Variants in ZNF408 observed in about 807,000 individuals in gnomAD.
ZNF408 encodes the protein PR domain zinc finger protein 17.
A neutral mutation model predicts 27.6 loss-of-function variants in ZNF408; 24 were observed. That is an observed-to-expected ratio of 0.87 (90% CI 0.63 to 1.22). ZNF408 has a LOEUF of 1.22. ZNF408 is among the 50% of genes most tolerant of loss of function. The pLI is 0.00. For synonymous variants in ZNF408, 410 were observed against 396.1 expected (o/e 1.04, Z -0.42); for missense variants, 897 against 949.0 (o/e 0.95, Z 0.72).
rs2134507109 is a variant in ZNF408 at position 46,702,711 on chromosome 11, C to T, written c.338C>T (p.Ser113Leu). 1 of 1,614,060 alleles carries T rather than the reference C, an allele frequency of 6.2e-7. No individual in the cohort carries two copies. Among genetic ancestry groups the T allele is most frequent in the East Asian group, 2.2e-5 (1 of 44,890 alleles). Residue 113 changes from serine to leucine, a missense_variant, in exon 3 of 5, where the codon TCA becomes TTA. By Grantham distance (145) the Ser-to-Leu change is moderately radical (BLOSUM62 -2). Transcript: ENST00000311764. ...TTTGTTGGTTTATTTCAGAACCTGT[C>T]ATTAGGCCCATGGGGAGACGTGTGT... ...GVKPRQEENL[S>L]LGPWGDVCAC... is the part of the protein sequence containing the mutation.
intron 4 of ZNF408, 76 bp from the exon 5 acceptor site, chr11:46,704,277 T>C (rs2064733091): frequency 2.7e-6 from 4 of 1,476,374 alleles, no homozygotes. Context: ...GGAGAAAACA[T>C]CTGATCCTGT....
chr11:46,705,330 A>G lies in ZNF408; in HGVS notation c.1630A>G (p.Ile544Val). The G allele has an allele frequency of 6.2e-7, 1 of 1,610,642 alleles. No homozygotes were observed. The highest frequency in any genetic ancestry group is 8.5e-7 in the Non-Finnish European group (1 of 1,179,430). ...PQLPELRRHL[I>V]SHTGEAHLCP... ...GCTGCCTGAACTGCGGCGCCATCTC[A>G]TCTCACACACCGGGGAGGCCCACTT... is the stretch of plus-strand genomic sequence containing the variant. The change falls in exon 5 of 5, where the codon ATC (isoleucine) becomes GTC (valine). Residue 544 changes from isoleucine to valine, a missense_variant. Transcript: ENST00000311764. This position sits in a 1 kb window ranked among gnomAD's most constrained non-coding sequence, Gnocchi z 6.5.
Position 46,704,781 on chromosome 11 carries a change from G to A in ZNF408, c.1081G>A (p.Ala361Thr). The A allele has an allele frequency of 6.3e-7, 1 of 1,597,270 alleles. No homozygotes were observed. Among genetic ancestry groups the A allele is most frequent in the Non-Finnish European group, 8.5e-7 (1 of 1,171,542 alleles). ...RRYRCGECGK[A>T]FLQLCHLKKH... is the part of the protein sequence containing the mutation. ...GTACCGGTGTGGAGAGTGTGGCAAG[G>A]CATTCCTACAGCTGTGCCACCTAAA... The change falls in exon 5 of 5, where the codon GCA becomes ACA. Residue 361 changes from alanine to threonine, a missense_variant. Coordinates refer to ENST00000311764, the MANE Select transcript of ZNF408 (RefSeq NM_024741.3).
rs141131767 is a variant in ZNF408, at chr11:46,704,603, G to T, written c.903G>T (p.Pro301=). 225 of 1,613,812 alleles carry T rather than the reference G, an allele frequency of 1.4e-4. No individual in the cohort carries two copies. In the African/African-American group the frequency reaches 2.4e-3, roughly 17 times the overall value. ...SFSSSARGTQ[P]HGYLAKKLHS... ...CATCTTCTGCCAGGGGCACCCAGCC[G>T]CATGGCTACCTGGCCAAGAAGTTAC... Residue 301 remains proline, a synonymous_variant, in exon 5 of 5, where the codon CCG becomes CCT. Transcript: ENST00000311764.
intron 4 of ZNF408, among the ~76,000 whole-genome samples, chr11:46,703,723 GT>G (rs1253102784): frequency 6.8e-6 from 1 of 147,364 alleles, no homozygotes; most frequent in Non-Finnish European, 1.5e-5. Context: ...GTGGGAAGGG[GT>G]TTTTTTGTTT....
At chr11:46,704,322 C>G (rs2134509062) in intron 4 of ZNF408, 31 bp from the exon 5 acceptor site, 1 of 1,552,936 alleles carries the variant, frequency 6.4e-7, no homozygotes, top group Non-Finnish European at 8.7e-7. Context: ...TTGAAGCTCC[C>G]TAAACCCAGT....
chr11:46,705,258 G>A lies in ZNF408; in HGVS notation c.1558G>A (p.Gly520Arg), dbSNP rs768515396. ...NLRGHLRLHT[G>R]ERPYRCPHCA... ...GCGTGGGCATTTGCGGCTCCACACC[G>A]GGGAGCGTCCTTACCGCTGCCCACA... Residue 520 changes from glycine to arginine, a missense_variant, in exon 5 of 5, where the codon GGG (glycine) becomes AGG (arginine). By Grantham distance (125) the Gly-to-Arg change is moderately radical. Transcript: ENST00000311764. This position sits in a 1 kb window ranked among gnomAD's most constrained non-coding sequence, Gnocchi z 6.5. The A allele has an allele frequency of 8.7e-6, 14 of 1,612,072 alleles. No homozygotes were observed. The highest frequency in any genetic ancestry group is 4.4e-5 in the South Asian group (4 of 91,072).
rs1388387955 is a variant in ZNF408, at chr11:46,703,016, G to A, written c.425G>A (p.Gly142Glu). 1.2e-6 allele frequency: 2 copies of A among 1,613,914 alleles called. No homozygotes were observed. The highest frequency in any genetic ancestry group is 3.3e-5 in the Admixed American group (2 of 60,002). Reference protein sequence around the residue: ...LVQRGRLESEGNVAPVRISER... With the variant: ...LVQRGRLESEENVAPVRISER... The stretch of plus-strand genomic sequence containing the variant: ...CAACGGGGCAGGCTGGAGAGTGAGG[G>A]AAATGTGGCCCCAGTGCGGATCAGC... Residue 142 changes from glycine to glutamate, a missense_variant, in exon 4 of 5, where the codon GGA becomes GAA. Transcript: ENST00000311764.
Position 46,705,575 on chromosome 11 carries a change from T to C in ZNF408, c.1875T>C (p.His625=), listed in dbSNP as rs2134511499. 1 of 1,607,452 alleles carries C rather than the reference T, an allele frequency of 6.2e-7. No individual in the cohort carries two copies. The part of the protein sequence containing the change: ...GYTLPQSLRR[H]QLSHRPEAPC... ...CCCTCCCGCAGAGCCTCAGGCGGCA[T>C]CAGCTCAGTCACCGGCCTGAGGCAC... The change falls in exon 5 of 5, where the codon CAT becomes CAC. Residue 625 remains histidine (H), a synonymous_variant. Transcript: ENST00000311764. This position sits in a 1 kb window ranked among gnomAD's most constrained non-coding sequence, Gnocchi z 6.5.
Position 46,704,739 on chromosome 11 carries a change from C to G in ZNF408, c.1039C>G (p.Pro347Ala). The G allele has an allele frequency of 6.3e-7, 1 of 1,598,192 alleles. No homozygotes were observed. The highest frequency in any genetic ancestry group is 8.5e-7 in the Non-Finnish European group (1 of 1,173,088). The change falls in exon 5 of 5, where the codon CCA (proline) becomes GCA (alanine). Residue 347 changes from proline to alanine, a missense_variant. Coordinates refer to ENST00000311764, the MANE Select transcript of ZNF408 (RefSeq NM_024741.3). Reference protein sequence around the residue: ...RSPPGPAGSSPKQGRRYRCGE... With the variant: ...RSPPGPAGSSAKQGRRYRCGE... ...CCCTCCTGGCCCAGCAGGAAGCTCC[C>G]CAAAGCAGGGGCGACGGTACCGGTG...
rs2064724046 is a variant in ZNF408, at chr11:46,703,220, A to G, written c.629A>G (p.Glu210Gly). 6.2e-7 allele frequency: 1 copy of G among 1,613,292 alleles called. No homozygotes were observed. The highest frequency in any genetic ancestry group is 8.5e-7 in the Non-Finnish European group (1 of 1,179,730). Residue 210 changes from glutamate (E) to glycine (G), a missense_variant, in exon 4 of 5, where the codon GAG becomes GGG. Glu to Gly is a moderately conservative substitution (Grantham distance 98, BLOSUM62 -2). Coordinates refer to ENST00000311764, the MANE Select transcript of ZNF408 (RefSeq NM_024741.3). The part of the protein sequence containing the change: ...AVQQEVASPG[E>G]DAAEPCIDPG... ...CAGCAGGAAGTGGCCTCCCCTGGGG[A>G]GGATGCAGCAGAACCTTGCATAGGT...
chr11:46,703,432 G>T (rs1250501862), intron 4 of ZNF408, among the ~76,000 whole-genome samples, 189 bp downstream of exon 4: 1 of 152,172 alleles, frequency 6.6e-6, no homozygotes, highest in Non-Finnish European at 1.5e-5. Flanking sequence ...TTAGTATTGG[G>T]TAAGGATTAT....
chr11:46,702,772 C>G lies in ZNF408; in HGVS notation c.392+7C>G, dbSNP rs1177912759. 4 of 1,614,102 alleles carry G rather than the reference C, an allele frequency of 2.5e-6. No homozygotes were observed. Among genetic ancestry groups the G allele is most frequent in the Non-Finnish European group, 3.4e-6 (4 of 1,179,940 alleles). The stretch of plus-strand genomic sequence containing the variant: ...AGAGTTCTGGCTGGACTAGGTAAGT[C>G]AGAGGAGAGTGTGTCGTTCCTTTGA... On this transcript the variant is annotated splice_region_variant and intron_variant, in intron 3 of 4. Coordinates refer to ENST00000311764, the MANE Select transcript of ZNF408 (RefSeq NM_024741.3).
At chr11:46,703,750 T>G in intron 4 of ZNF408, among the ~76,000 whole-genome samples, 1 of 132,352 alleles carries the variant, frequency 7.6e-6, no homozygotes, top group East Asian at 2.2e-4. Flanking sequence ...TGTTTTGTTG[T>G]TGTTGTTGTT....
intron 3 of ZNF408, 37 bp downstream of exon 3, chr11:46,702,802 T>G: frequency 6.2e-7 from 1 of 1,612,818 alleles, no homozygotes; most frequent in Non-Finnish European, 8.5e-7. Context: ...CTTTGAGGTT[T>G]TCTGTTGTGG....
chr11:46,702,987 G>C lies in ZNF408; in HGVS notation c.396G>C (p.Leu132Phe). 2 of 1,613,922 alleles carry C rather than the reference G, an allele frequency of 1.2e-6. No individual in the cohort carries two copies. The highest frequency in any genetic ancestry group is 1.7e-6 in the Non-Finnish European group (2 of 1,179,812). Residue 132 changes from leucine to phenylalanine, a missense_variant, in exon 4 of 5, where the codon TTG becomes TTC. Transcript: ENST00000311764. The part of the protein sequence containing the change: ...ACEQSSGWTS[L>F]VQRGRLESEG... ...TGGCTGTTACTTTGCTTTGCAGCTT[G>C]GTACAACGGGGCAGGCTGGAGAGTG...
chr11:46,701,763 A>G, intron 2 of ZNF408, 87 bp downstream of exon 2: 1 of 1,412,628 alleles, frequency 7.1e-7, no homozygotes, highest in Non-Finnish European at 9.3e-7. Context: ...ATTTGAAGAA[A>G]GAGAGTATTT....
intron 2 of ZNF408, 67 bp downstream of exon 2, chr11:46,701,743 C>T (rs1374637815): frequency 2.8e-6 from 4 of 1,442,624 alleles, no homozygotes; most frequent in African/African-American, 1.4e-5. Flanking sequence ...CATTGCTAGA[C>T]AGCTTTTCAA....
At position 46,705,393 on chromosome 11, in the gene ZNF408, A is replaced by G. The variant is rs770176632; in HGVS notation, c.1693A>G (p.Thr565Ala). The stretch of plus-strand genomic sequence containing the variant: ...TGGCAAGGCCCTCCGAGACCCACAC[A>G]CGCTCCGAGCTCACGAGCGCCTGCA... Reference protein sequence around the residue: ...VCGKALRDPHTLRAHERLHSG... With the variant: ...VCGKALRDPHALRAHERLHSG... The change falls in exon 5 of 5, where the codon ACG becomes GCG. Residue 565 changes from threonine (T) to alanine (A), a missense_variant. By Grantham distance (58) the Thr-to-Ala change is moderately conservative. Transcript: ENST00000311764. This position sits in a 1 kb window ranked among gnomAD's most constrained non-coding sequence, Gnocchi z 6.5. The G allele has an allele frequency of 3.7e-6, 6 of 1,607,946 alleles. No individual in the cohort carries two copies. The highest frequency in any genetic ancestry group is 5.1e-6 in the Non-Finnish European group (6 of 1,179,648).
Sources: allele counts gnomAD v4.1 joint callset (sites outside exome capture counted in the v4.1 genomes callset), GRCh38; gene constraint gnomAD v4.1.1; non-coding constraint Gnocchi (gnomAD v3.1); transcripts MANE v1.5; gene names NCBI Gene and HGNC (gene_info 2026-07-23, HGNC 2026-07-21).